The following ACOT7 variants were observed in gnomAD, a reference collection of about 807,000 sequenced individuals.
ACOT7 encodes the protein acyl-CoA thioesterase 7.
A neutral mutation model predicts 40.2 loss-of-function variants in ACOT7; 12 were observed. That is an observed-to-expected ratio of 0.30 (90% CI 0.19 to 0.48). The LOEUF is 0.48. Ranked by LOEUF, ACOT7 falls within the 20% of genes least tolerant of loss-of-function variation. ACOT7 has a pLI of 0.99. For synonymous variants in ACOT7, 228 were observed against 219.5 expected (o/e 1.04, Z -0.34); for missense variants, 395 against 530.8 (o/e 0.74, Z 2.51).
chr1:6,385,727 G>A lies in ACOT7; in HGVS notation c.143+7530C>T, dbSNP rs956209607. 1.0e-5 allele frequency: 16 copies of A among 1,546,626 alleles called. No homozygotes were observed. The African/African-American group carries it at 2.0e-4, about 20-fold the overall frequency. ...AAGTATGATGCCCAGCAGAGCCCAA[G>A]CCTGTGTCTGCCTGGCCGGCTCAGC... On this transcript the variant is annotated intron_variant, in intron 1 of 8. Transcript: ENST00000361521.
chr1:6,342,461 T>C (rs564220572), intron 2 of ACOT7, among the ~76,000 whole-genome samples: 1 of 152,314 alleles, frequency 6.6e-6, no homozygotes, highest in East Asian at 1.9e-4. Flanking sequence ...TGTAAAATTA[T>C]TATCATTTAT....
At chr1:6,372,074 G>A (rs1320249553) in intron 1 of ACOT7, among the ~76,000 whole-genome samples, 1 of 151,702 alleles carries the variant, frequency 6.6e-6, no homozygotes, top group Non-Finnish European at 1.5e-5. Flanking sequence ...AACCTATTGT[G>A]TAGCCACCCT....
Position 6,306,081 on chromosome 1 carries a change from C to A in ACOT7, c.713-11101G>T, listed in dbSNP as rs1238758577. 1 of 290,090 alleles carries A rather than the reference C, an allele frequency of 3.4e-6. No homozygotes were observed. Among genetic ancestry groups the A allele is most frequent in the Admixed American group, 6.5e-5 (1 of 15,414 alleles). 18.0% of individuals were successfully genotyped at this position (290,090 alleles called of 1,614,324 possible). A position where few individuals can be genotyped will look rare whatever the true frequency, so the allele number is the denominator to read the frequency against. On this transcript the variant is annotated intron_variant, in intron 6 of 8. Transcript: ENST00000361521. The surrounding 1 kb of genome is among the most constrained non-coding windows in gnomAD (Gnocchi z 4.3). ...GCGCGCGCCTGCAATCGCAGGCACT[C>A]GGCAGGCTGAGGCAGGAGAATCAGG...
At chr1:6,287,738 TA>T (rs375216139) in intron 7 of ACOT7, among the ~76,000 whole-genome samples, 20 of 148,622 alleles carry the variant, frequency 1.3e-4, no homozygotes, top group African/African-American at 3.5e-4. Context: ...GAAAACAAAA[TA>T]AAAAAAAAAT....
At position 6,288,187 on chromosome 1, in the gene ACOT7, T is replaced by C. The variant is rs1419342245; in HGVS notation, c.829+6677A>G. On this transcript the variant is annotated intron_variant, in intron 7 of 8. Coordinates refer to ENST00000361521, the MANE Select transcript of ACOT7 (RefSeq NM_007274.4). The surrounding 1 kb of genome is among the most constrained non-coding windows in gnomAD (Gnocchi z 4.3). ...GGGTGCTACCGGGCTCCACGTGCCT[T>C]CCCCTGTGCTGGTCCCCTGGGTGCG... 1.3e-5 allele frequency among the ~76,000 whole-genome samples: 2 copies of C among 152,156 alleles called. No homozygotes were observed. Among genetic ancestry groups the C allele is most frequent in the Non-Finnish European group, 2.9e-5 (2 of 68,020 alleles).
intron 5 of ACOT7, among the ~76,000 whole-genome samples, chr1:6,319,668 T>G (rs1046444437): frequency 1.3e-5 from 2 of 152,244 alleles, no homozygotes; most frequent in Non-Finnish European, 2.9e-5. Flanking sequence ...AAATTAGCCC[T>G]GCCTCAGACA....
chr1:6,293,174 C>T (rs932930654), intron 7 of ACOT7, among the ~76,000 whole-genome samples: 1 of 152,182 alleles, frequency 6.6e-6, no homozygotes, highest in Non-Finnish European at 1.5e-5. Context: ...CAGGCGTGAG[C>T]CACAGCGCTC....
rs1256768434 is a variant in ACOT7 at position 6,358,961 on chromosome 1, G to A, written c.144-9095C>T. On this transcript the variant is annotated intron_variant, in intron 1 of 8. Coordinates refer to ENST00000361521, the MANE Select transcript of ACOT7 (RefSeq NM_007274.4). This position sits in a 1 kb window ranked among gnomAD's most constrained non-coding sequence, Gnocchi z 4.1. Reference sequence around the variant, plus strand: ...GCTCCCTGCCACACCGGGCTTGGTGGGGAGCACCCCCCACCCCCAGCTTCC... The same window carrying A: ...GCTCCCTGCCACACCGGGCTTGGTGAGGAGCACCCCCCACCCCCAGCTTCC... 7 of 1,490,268 alleles carry A rather than the reference G, an allele frequency of 4.7e-6. No homozygotes were observed. The highest frequency in any genetic ancestry group is 2.6e-5 in the East Asian group (1 of 37,776). The allele number at this position is 1,490,268 out of a possible 1,614,324, so 92.3% of individuals were successfully genotyped here.
intron 1 of ACOT7, among the ~76,000 whole-genome samples, chr1:6,361,083 G>A (rs948337966): frequency 1.3e-5 from 2 of 152,112 alleles, no homozygotes; most frequent in East Asian, 1.9e-4. Flanking sequence ...GAAACAACCC[G>A]GTGTCCACCA....
intron 5 of ACOT7, among the ~76,000 whole-genome samples, chr1:6,319,072 A>G (rs562197311): frequency 6.6e-6 from 1 of 152,270 alleles, no homozygotes; most frequent in East Asian, 1.9e-4. Flanking sequence ...CTCTTGCAAG[A>G]GCCCCAAATA....
intron 3 of ACOT7, among the ~76,000 whole-genome samples, chr1:6,337,883 G>A (rs930138262): frequency 4.0e-5 from 6 of 151,504 alleles, no homozygotes; most frequent in African/African-American, 1.5e-4. Context: ...GCTGAAGCAG[G>A]AGAATAGCTT....
At chr1:6,373,373 C>T (rs1372106371) in intron 1 of ACOT7, among the ~76,000 whole-genome samples, 1 of 152,124 alleles carries the variant, frequency 6.6e-6, no homozygotes, top group African/African-American at 2.4e-5. Flanking sequence ...GCCTCAGCTT[C>T]CCATGTAGCT....
chr1:6,341,444 T>C (rs1641274686), intron 2 of ACOT7, among the ~76,000 whole-genome samples: 1 of 151,986 alleles, frequency 6.6e-6, no homozygotes, highest in African/African-American at 2.4e-5. Context: ...AACTATTCTT[T>C]TTAAAAATTT....
intron 8 of ACOT7, among the ~76,000 whole-genome samples, chr1:6,280,037 C>T (rs1284381873): frequency 6.6e-6 from 1 of 152,212 alleles, no homozygotes; most frequent in East Asian, 1.9e-4. Flanking sequence ...TGCGGATCTG[C>T]GTGGGGAGCA....
At chr1:6,313,669 C>T (rs1039092401) in intron 6 of ACOT7, among the ~76,000 whole-genome samples, 2 of 152,170 alleles carry the variant, frequency 1.3e-5, no homozygotes, top group Non-Finnish European at 2.9e-5. Context: ...TGGGGCTGGA[C>T]GCTGATGAAG....
At chr1:6,348,593 C>A (rs891576771) in intron 2 of ACOT7, among the ~76,000 whole-genome samples, 3 of 152,186 alleles carry the variant, frequency 2.0e-5, no homozygotes, top group African/African-American at 7.2e-5. Context: ...GCCACTCCTA[C>A]CAAGCGAGGA....
chr1:6,270,339 G>A (rs1464800271), intron 8 of ACOT7, among the ~76,000 whole-genome samples: 3 of 152,226 alleles, frequency 2.0e-5, no homozygotes, highest in Non-Finnish European at 4.4e-5. Context: ...ACGCTCTGCG[G>A]GAAGACAGAT....
At chr1:6,314,643 C>T (rs1337610701) in intron 6 of ACOT7, among the ~76,000 whole-genome samples, 1 of 152,042 alleles carries the variant, frequency 6.6e-6, no homozygotes, top group Non-Finnish European at 1.5e-5. Context: ...TGGGCCGATC[C>T]TGAGCACTCT....
At chr1:6,392,848 G>C (rs1024139078) in intron 1 of ACOT7, among the ~76,000 whole-genome samples, 3 of 152,160 alleles carry the variant, frequency 2.0e-5, no homozygotes, top group Non-Finnish European at 2.9e-5. Context: ...CCGAATCCTC[G>C]AGGAGGCTAA....
Sources: allele counts gnomAD v4.1 joint callset (sites outside exome capture counted in the v4.1 genomes callset), GRCh38; gene constraint gnomAD v4.1.1; non-coding constraint Gnocchi (gnomAD v3.1); transcripts MANE v1.5; gene names NCBI Gene and HGNC (gene_info 2026-07-23, HGNC 2026-07-21).